The following SCML4 variants were observed in gnomAD, a reference collection of about 807,000 sequenced individuals.
The protein encoded by SCML4 is Scm polycomb group protein like 4, also known as sex comb on midleg-like protein 4.
In SCML4, 34 loss-of-function variants were observed where a neutral mutation model predicts 41.1. The observed-to-expected ratio is 0.83, with a 90% CI of 0.63 to 1.10. The LOEUF is 1.10. Among genes scored for constraint, SCML4 ranks in the 50% least tolerant of loss-of-function variants. SCML4 has a pLI of 0.00. For missense variants in SCML4, 522 were observed against 534.1 expected (o/e 0.98, Z 0.22); for synonymous variants, 214 against 220.9 (o/e 0.97, Z 0.28).
At position 107,703,734 on chromosome 6, in the gene SCML4, C is replaced by A. The variant is rs1773364643; in HGVS notation, c.*1466G>T. On this transcript the variant is annotated 3_prime_UTR_variant, in exon 8 of 8. Transcript: ENST00000369020. ...AGAGAAAGGGGTGCCTTTTCTGATT[C>A]ACCTTTGGGCGAAGGGAGGCCCTGA... is the stretch of plus-strand genomic sequence containing the variant. 2.0e-5 allele frequency among the ~76,000 whole-genome samples: 3 copies of A among 152,198 alleles called. No homozygotes were observed. The South Asian group carries it at 6.2e-4, about 32-fold the overall frequency.
At chr6:107,743,231 T>G (rs981540614) in intron 5 of SCML4, among the ~76,000 whole-genome samples, 2 of 152,258 alleles carry the variant, frequency 1.3e-5, no homozygotes, top group East Asian at 3.8e-4. Flanking sequence ...ATTATCACCC[T>G]GACCTGGACA....
At chr6:107,812,416 A>G (rs1220494843) in intron 1 of SCML4, among the ~76,000 whole-genome samples, 1 of 152,192 alleles carries the variant, frequency 6.6e-6, no homozygotes, top group African/African-American at 2.4e-5. Flanking sequence ...GATATTTGCC[A>G]TGTCCGATAC....
chr6:107,744,977 C>T lies in SCML4; in HGVS notation c.654G>A (p.Gln218=), dbSNP rs1337361283. Residue 218 remains glutamine (Q), a synonymous_variant, in exon 5 of 8, where the codon CAG becomes CAA. Coordinates refer to ENST00000369020, the MANE Select transcript of SCML4 (RefSeq NM_198081.5). ...ATTCCATCCTCCCTTCCTCTTTCTCCTGGACTTTCTCAGAGGCACTGCAGC... is the reference window on the plus strand; with the variant it reads ...ATTCCATCCTCCCTTCCTCTTTCTCTTGGACTTTCTCAGAGGCACTGCAGC... ...PRGCSASEKV[Q]EKEEGRMESV... 2 of 1,613,162 alleles carry T rather than the reference C, an allele frequency of 1.2e-6. No individual in the cohort carries two copies. The highest frequency in any genetic ancestry group is 1.7e-6 in the Non-Finnish European group (2 of 1,179,576).
chr6:107,830,736 G>GA, the SCML4 span, among the ~76,000 whole-genome samples: 29 of 151,020 alleles, frequency 1.9e-4, no homozygotes, highest in African/African-American at 6.1e-4. Context: ...TCTGTTATCA[G>GA]AAAAAAAAAT....
At chr6:107,751,639 TTTC>T (rs1562219074) in intron 2 of SCML4, among the ~76,000 whole-genome samples, 1 of 145,262 alleles carries the variant, frequency 6.9e-6, no homozygotes, top group Admixed American at 6.8e-5. Context: ...TCTTTCTTTC[TTTC>T]TTTCTTTTTT....
intron 1 of SCML4, among the ~76,000 whole-genome samples, chr6:107,801,581 T>A (rs993530130): frequency 6.6e-6 from 1 of 152,172 alleles, no homozygotes; most frequent in Admixed American, 6.5e-5. Flanking sequence ...TTCTCCAGGT[T>A]TTTCCCAAGT....
intron 1 of SCML4, among the ~76,000 whole-genome samples, chr6:107,786,366 G>A (rs1781896638): frequency 6.6e-6 from 1 of 152,164 alleles, no homozygotes; most frequent in Non-Finnish European, 1.5e-5. Flanking sequence ...ATGAAAAGGA[G>A]CCACCTACAA....
intron 2 of SCML4, among the ~76,000 whole-genome samples, chr6:107,763,625 G>A (rs1278224686): frequency 6.6e-6 from 1 of 152,102 alleles, no homozygotes; most frequent in Non-Finnish European, 1.5e-5. Flanking sequence ...GACCTCAAGT[G>A]ATCTGCCTGC....
Position 107,745,088 on chromosome 6 carries a change from G to A in SCML4, c.543C>T (p.Ser181=). The A allele has an allele frequency of 6.2e-7, 1 of 1,611,942 alleles. No homozygotes were observed. The highest frequency in any genetic ancestry group is 8.5e-7 in the Non-Finnish European group (1 of 1,178,956). Residue 181 remains serine (S), a synonymous_variant, in exon 5 of 8, where the codon AGC becomes AGT. Transcript: ENST00000369020. ...QHLRSLPVVN[S]IGYVLRFLAK... The stretch of plus-strand genomic sequence containing the variant: ...CGAGGAAGCGGAGGACATAGCCGAT[G>A]CTGTTCACCACAGGCAGGCTCCGCA...
In SCML4 at chr6:107,745,159, G is replaced by A; in HGVS notation, c.488-16C>T. ...GAAGCCGAGACTGGAAAACCAGAGA[G>A]ATGTCAGCTTAGAGCCGGGCACTGG... On this transcript the variant is annotated splice_polypyrimidine_tract_variant and intron_variant, in intron 4 of 7. Transcript: ENST00000369020. 4 of 1,546,500 alleles carry A rather than the reference G, an allele frequency of 2.6e-6. No homozygotes were observed. Among genetic ancestry groups the A allele is most frequent in the Non-Finnish European group, 3.5e-6 (4 of 1,142,704 alleles).
chr6:107,728,838 G>T (rs1030793596), intron 5 of SCML4, among the ~76,000 whole-genome samples: 2 of 152,206 alleles, frequency 1.3e-5, no homozygotes, highest in Non-Finnish European at 2.9e-5. Flanking sequence ...CCCAGATGTG[G>T]CTCTGTAAAG....
chr6:107,826,033 T>A (rs551740861), upstream of SCML4, among the ~76,000 whole-genome samples: 14 of 150,878 alleles, frequency 9.3e-5, no homozygotes, highest in South Asian at 2.9e-3. Flanking sequence ...GACTTGAGGT[T>A]AGGAGTTCGA....
At chr6:107,829,861 AT>A in the SCML4 span, among the ~76,000 whole-genome samples, 1 of 152,238 alleles carries the variant, frequency 6.6e-6, no homozygotes, top group Admixed American at 6.5e-5. Context: ...TGGCAAACAT[AT>A]TTGATAATGG....
intron 2 of SCML4, among the ~76,000 whole-genome samples, chr6:107,755,187 T>C (rs894813393): frequency 6.6e-6 from 1 of 152,168 alleles, no homozygotes; most frequent in Admixed American, 6.5e-5. Flanking sequence ...GGCTGTTACT[T>C]CTGTCCATTT....
intron 1 of SCML4, among the ~76,000 whole-genome samples, chr6:107,792,650 A>G (rs1782420851): frequency 6.6e-6 from 1 of 151,870 alleles, no homozygotes; most frequent in South Asian, 2.1e-4. Flanking sequence ...GAGAATCGCT[A>G]CAATCTGGGA....
At chr6:107,774,972 G>A (rs1004704706) in intron 1 of SCML4, among the ~76,000 whole-genome samples, 4 of 151,578 alleles carry the variant, frequency 2.6e-5, no homozygotes, top group African/African-American at 9.7e-5. Flanking sequence ...TCCAACCTGG[G>A]TGTGACAGAG....
the SCML4 span, among the ~76,000 whole-genome samples, chr6:107,839,577 T>C: frequency 2.0e-5 from 3 of 152,138 alleles, no homozygotes; most frequent in African/African-American, 7.2e-5. Context: ...TGATTTGCCT[T>C]TTTAATCTCC....
At chr6:107,828,025 G>A (rs1028264905), upstream of SCML4, among the ~76,000 whole-genome samples, 7 of 152,342 alleles carry the variant, frequency 4.6e-5, no homozygotes, top group African/African-American at 1.4e-4. Flanking sequence ...GAAGAATTAT[G>A]TGTGAAGCCC....
intron 1 of SCML4, among the ~76,000 whole-genome samples, chr6:107,802,036 G>C (rs1418503095): frequency 6.6e-6 from 1 of 151,966 alleles, no homozygotes; most frequent in Non-Finnish European, 1.5e-5. Context: ...CTCCCAAAGT[G>C]CTGGGATTAC....
Sources: gnomAD v4.1 joint callset for allele counts (sites outside exome capture counted in the v4.1 genomes callset) on GRCh38, gnomAD v4.1.1 for gene constraint, MANE v1.5 for transcripts, NCBI Gene and HGNC (gene_info 2026-07-23, HGNC 2026-07-21) for gene names.